MINDY4: variants seen among roughly 807,000 people sequenced by gnomAD.
The protein encoded by MINDY4 is probable ubiquitin carboxyl-terminal hydrolase MINDY-4.
In MINDY4, 68 loss-of-function variants were observed where a neutral mutation model predicts 87.0. The ratio of observed to expected loss-of-function variants is 0.78; its 90% CI spans 0.64 to 0.96. The LOEUF is 0.96. Ranked by LOEUF, MINDY4 falls within the 40% of genes least tolerant of loss-of-function variation. The probability of loss-of-function intolerance (pLI) is 0.00; values close to 1 mark genes in which losing one functional copy is unlikely to be tolerated. For synonymous variants in MINDY4, 379 were observed against 363.2 expected, an observed-to-expected ratio of 1.04 and a Z score of -0.50; for missense variants, 919 against 928.2, an observed-to-expected ratio of 0.99 and a Z score of 0.13.
chr7:30,873,896 T>C (rs1445893970), intron 14 of MINDY4, among the ~76,000 whole-genome samples: 1 of 152,220 alleles, frequency 6.6e-6, no homozygotes, highest in Non-Finnish European at 1.5e-5. Flanking sequence ...TGTGTCTCAT[T>C]TCCTCTACAA....
chr7:30,821,722 C>T lies in MINDY4; in HGVS notation c.1074-6957C>T, dbSNP rs201466750. 2.7e-4 allele frequency among the ~76,000 whole-genome samples: 41 copies of T among 151,926 alleles called. No individual in the cohort carries two copies. In the East Asian group the frequency reaches 7.0e-3, roughly 26 times the overall value. On this transcript the variant is annotated intron_variant, in intron 5 of 17. Coordinates refer to ENST00000265299, the MANE Select transcript of MINDY4 (RefSeq NM_032222.3). ...ATGTTGGACTTTAGAAGTTTTTCCT[C>T]CATTTCTCTTATTTATTTGCTCCTT... is the stretch of plus-strand genomic sequence containing the variant.
chr7:30,876,309 A>G (rs913166099), intron 15 of MINDY4, among the ~76,000 whole-genome samples: 11 of 152,124 alleles, frequency 7.2e-5, no homozygotes, highest in African/African-American at 1.9e-4. Flanking sequence ...CCTCAGTCAT[A>G]TTGGATTAAG....
chr7:30,891,967 G>A lies in MINDY4; in HGVS notation c.2236G>A (p.Ala746Thr), dbSNP rs1790806422. 6.2e-7 allele frequency: 1 copy of A among 1,614,150 alleles called. No homozygotes were observed. The change falls in exon 18 of 18, where the codon GCA (alanine) becomes ACA (threonine). Residue 746 changes from alanine to threonine, a missense_variant. Transcript: ENST00000265299. ...TCACTCTACGCTTAGGTGGAAGGGG[G>A]CATCAGTGAACTGGAACGGCTCAGA... ...ELCIRTKWKG[A>T]SVNWNGSDPI...
rs548824980 is a variant in MINDY4 at position 30,797,501 on chromosome 7, C to T, written c.1073+5927C>T. Reference sequence around the variant, plus strand: ...CACTTTGATCTCTGGACGCAAATGCCGACAGCAGTTGTGCACAGGCCCTGC... The same window carrying T: ...CACTTTGATCTCTGGACGCAAATGCTGACAGCAGTTGTGCACAGGCCCTGC... On this transcript the variant is annotated intron_variant, in intron 5 of 17. Transcript: ENST00000265299. Among the ~76,000 whole-genome samples, 28 of 152,142 alleles carry T rather than the reference C, an allele frequency of 1.8e-4. No homozygotes were observed. In the South Asian group the frequency reaches 4.2e-3, roughly 23 times the overall value.
chr7:30,882,055 A>G (rs955578155), intron 15 of MINDY4, 126 bp from the exon 16 acceptor site: 21 of 957,710 alleles, frequency 2.2e-5, no homozygotes, highest in Non-Finnish European at 3.0e-5. Context: ...GGCTCCCAGC[A>G]TCAGACACAA....
chr7:30,886,105 C>T (rs1249079324), intron 17 of MINDY4, among the ~76,000 whole-genome samples: 2 of 152,138 alleles, frequency 1.3e-5, no homozygotes, highest in Admixed American at 6.5e-5. Context: ...GGCATGAGCT[C>T]AGGTCATTTC....
At chr7:30,807,164 G>A (rs377535550) in intron 5 of MINDY4, among the ~76,000 whole-genome samples, 1 of 152,170 alleles carries the variant, frequency 6.6e-6, no homozygotes, top group African/African-American at 2.4e-5. Flanking sequence ...AGGCTGTTTG[G>A]CAAGGCTGAG....
At chr7:30,787,013 T>A (rs1706208056) in intron 4 of MINDY4, among the ~76,000 whole-genome samples, 1 of 152,236 alleles carries the variant, frequency 6.6e-6, no homozygotes, top group African/African-American at 2.4e-5. Context: ...GCTGTATGTT[T>A]AGGTGTGGGT....
Position 30,802,455 on chromosome 7 carries a change from A to C in MINDY4, c.1073+10881A>C, listed in dbSNP as rs183509123. On this transcript the variant is annotated intron_variant, in intron 5 of 17. Transcript: ENST00000265299. ...GTATCTTGGACAACCCTCAGTATAG[A>C]ACAATGATTTGATAACTCATATTTA... Among the ~76,000 whole-genome samples the C allele has an allele frequency of 4.3e-4, 65 of 152,268 alleles. 1 individual carries two copies. The East Asian group carries it at 0.013, about 29-fold the overall frequency.
intron 5 of MINDY4, among the ~76,000 whole-genome samples, chr7:30,811,543 T>A (rs1699248158): frequency 6.6e-6 from 1 of 152,210 alleles, no homozygotes; most frequent in Non-Finnish European, 1.5e-5. Flanking sequence ...ACCCCTCATA[T>A]TGTCTTATGC....
chr7:30,777,865 G>A (rs1248559235), intron 1 of MINDY4, among the ~76,000 whole-genome samples: 1 of 152,202 alleles, frequency 6.6e-6, no homozygotes, highest in Non-Finnish European at 1.5e-5. Flanking sequence ...CATTGCTAGA[G>A]CATGTCTCAG....
chr7:30,826,247 T>G (rs986033552), intron 5 of MINDY4, among the ~76,000 whole-genome samples: 20 of 152,240 alleles, frequency 1.3e-4, no homozygotes, highest in African/African-American at 4.3e-4. Flanking sequence ...AGGGCCGTTA[T>G]TCAGCCTATG....
Position 30,772,990 on chromosome 7 carries a change from C to G in MINDY4, c.63+1434C>G, listed in dbSNP as rs1334985891. Among the ~76,000 whole-genome samples, 3 of 152,278 alleles carry G rather than the reference C, an allele frequency of 2.0e-5. 1 individual carries two copies. The East Asian group carries it at 5.8e-4, about 29-fold the overall frequency. Reference sequence around the variant, plus strand: ...CCTCTCCCACATCCCTCCCCACCACCCCCCACTTGACATGGCCGAGTTCCC... The same window carrying G: ...CCTCTCCCACATCCCTCCCCACCACGCCCCACTTGACATGGCCGAGTTCCC... On this transcript the variant is annotated intron_variant, in intron 1 of 17. Transcript: ENST00000265299.
chr7:30,848,797 T>G lies in MINDY4; in HGVS notation c.1446-1657T>G, dbSNP rs566514898. ...GCTTGAGTGCTTGTTGCTTGTCTCA[T>G]TGGATTTGAAGGATTTCCAGTGTCA... is the stretch of plus-strand genomic sequence containing the variant. On this transcript the variant is annotated intron_variant, in intron 9 of 17. Transcript: ENST00000265299. Among the ~76,000 whole-genome samples the G allele has an allele frequency of 2.6e-5, 4 of 152,348 alleles. No homozygotes were observed. In the East Asian group the frequency reaches 7.7e-4, roughly 29 times the overall value.
chr7:30,835,526 TC>T (rs1391725599), intron 6 of MINDY4, among the ~76,000 whole-genome samples: 1 of 152,214 alleles, frequency 6.6e-6, no homozygotes, highest in East Asian at 1.9e-4. Context: ...CAGACTTTAT[TC>T]CCCAGCCCAG....
intron 3 of MINDY4, 82 bp from the exon 4 acceptor site, chr7:30,785,667 C>A: frequency 2.0e-6 from 3 of 1,508,698 alleles, no homozygotes; most frequent in Non-Finnish European, 2.7e-6. Flanking sequence ...GCTTTGAATG[C>A]ACATTGAATG....
In MINDY4 at chr7:30,840,813, C is replaced by T. The variant is rs1245189726; in HGVS notation, c.1410C>T (p.Leu470=). 9 of 1,614,034 alleles carry T rather than the reference C, an allele frequency of 5.6e-6. No homozygotes were observed. Among genetic ancestry groups the T allele is most frequent in the Non-Finnish European group, 7.6e-6 (9 of 1,180,026 alleles). Residue 470 remains leucine (L), a synonymous_variant, in exon 9 of 18, where the codon CTC becomes CTT. Coordinates refer to ENST00000265299, the MANE Select transcript of MINDY4 (RefSeq NM_032222.3). ...TCCAAGGCTGTGTCCTACAGAAACT[C>T]CTGTTTGAAGGAGATAGCAAAGCCG... ...AAVQGCVLQK[L]LFEGDSKADC...
At chr7:30,786,153 T>C in intron 4 of MINDY4, 161 bp downstream of exon 4, 1 of 945,382 alleles carries the variant, frequency 1.1e-6, no homozygotes, top group Non-Finnish European at 1.6e-6. Context: ...TCCCTGGCTC[T>C]ACTGTCAATG....
At chr7:30,867,203 C>G (rs142926471) in intron 13 of MINDY4, among the ~76,000 whole-genome samples, 10 of 152,176 alleles carry the variant, frequency 6.6e-5, no homozygotes, top group African/African-American at 2.4e-4. Flanking sequence ...CCCTCTTGGC[C>G]ATCCTGGGAA....
Sources: gnomAD v4.1 joint callset for allele counts (sites outside exome capture counted in the v4.1 genomes callset) on GRCh38, gnomAD v4.1.1 for gene constraint, MANE v1.5 for transcripts, NCBI Gene and HGNC (gene_info 2026-07-23, HGNC 2026-07-21) for gene names.